Variants in ASTN1 observed in about 807,000 individuals in gnomAD.
ASTN1 encodes the protein astrotactin-1.
ASTN1 carries 41 observed loss-of-function variants against 140.7 expected under a neutral mutation model. That is an observed-to-expected ratio of 0.29 (90% CI 0.23 to 0.38). The LOEUF is 0.38. Ranked by LOEUF, ASTN1 falls within the 10% of genes least tolerant of loss-of-function variation. ASTN1 has a pLI of 1.00. For missense variants in ASTN1, 1,479 were observed against 1,678.8 expected (o/e 0.88, Z 2.08); for synonymous variants, 640 against 652.2 (o/e 0.98, Z 0.29).
chr1:176,949,446 T>A, intron 11 of ASTN1, 95 bp from the exon 12 acceptor site: 1 of 1,342,094 alleles, frequency 7.5e-7, no homozygotes, highest in Non-Finnish European at 1.0e-6. Flanking sequence ...TTTGTAGCAC[T>A]CAGCCTTGAA....
intron 1 of ASTN1, among the ~76,000 whole-genome samples, chr1:177,110,498 C>T (rs1314079442): frequency 2.0e-5 from 3 of 152,040 alleles, no homozygotes; most frequent in Admixed American, 6.6e-5. Flanking sequence ...TCTTTTCCAG[C>T]GATGCTCTAG....
chr1:177,099,351 G>A (rs16850722), intron 1 of ASTN1, among the ~76,000 whole-genome samples: 12,148 of 151,598 alleles, frequency 0.08, 550 homozygotes, highest in Middle Eastern at 0.18. Context: ...CTGTACAGGC[G>A]GTTAAAAAAT....
At chr1:177,053,773 C>T (rs914033193) in intron 2 of ASTN1, among the ~76,000 whole-genome samples, 1 of 152,204 alleles carries the variant, frequency 6.6e-6, no homozygotes, top group African/African-American at 2.4e-5. Flanking sequence ...AATTCCCCAA[C>T]TACCCTTTTC....
intron 2 of ASTN1, among the ~76,000 whole-genome samples, chr1:177,047,353 CAAAATATGACAGGGAGGTCCAG>C (rs375303392): frequency 2.3e-3 from 345 of 152,100 alleles, no homozygotes; most frequent in African/African-American, 7.9e-3. Context: ...GGGAGGTCCA[CAAAATATGACAGGGAGGTCCAG>C]AAAATATGAC....
At chr1:177,049,502 G>A (rs1677427895) in intron 2 of ASTN1, among the ~76,000 whole-genome samples, 1 of 152,138 alleles carries the variant, frequency 6.6e-6, no homozygotes, top group Non-Finnish European at 1.5e-5. Context: ...AAAGTTTTGA[G>A]AACACTTATC....
At chr1:177,156,180 G>A (rs1313219995) in intron 1 of ASTN1, among the ~76,000 whole-genome samples, 1 of 150,926 alleles carries the variant, frequency 6.6e-6, no homozygotes, top group Non-Finnish European at 1.5e-5. Context: ...TGAGGCAGGA[G>A]AATTGCTTAA....
At chr1:176,949,960 C>G (rs71628218) in intron 11 of ASTN1, among the ~76,000 whole-genome samples, 1 of 152,180 alleles carries the variant, frequency 6.6e-6, no homozygotes, top group African/African-American at 2.4e-5. Context: ...TGGAAGACAC[C>G]TAAGACACAA....
chr1:176,859,274 G>A (rs1292438463), downstream of ASTN1, among the ~76,000 whole-genome samples: 4 of 152,156 alleles, frequency 2.6e-5, no homozygotes, highest in Non-Finnish European at 4.4e-5. Context: ...CCCCTCAGAA[G>A]TATTAGGATA....
At chr1:177,111,852 G>A (rs767403906) in intron 1 of ASTN1, among the ~76,000 whole-genome samples, 1 of 152,146 alleles carries the variant, frequency 6.6e-6, no homozygotes, top group East Asian at 1.9e-4. Context: ...TTAAGAGTCG[G>A]TAGCAGCCCT....
At chr1:176,948,441 T>A (rs542217284) in intron 12 of ASTN1, among the ~76,000 whole-genome samples, 1 of 152,314 alleles carries the variant, frequency 6.6e-6, no homozygotes, top group African/African-American at 2.4e-5. Flanking sequence ...AAATTTAAAT[T>A]TCCAGAGAAC....
chr1:177,119,564 A>C (rs1279651946), intron 1 of ASTN1, among the ~76,000 whole-genome samples: 1 of 152,126 alleles, frequency 6.6e-6, no homozygotes, highest in Non-Finnish European at 1.5e-5. Flanking sequence ...CAGAAATGCA[A>C]AGTGTATTTT....
intron 1 of ASTN1, among the ~76,000 whole-genome samples, chr1:177,114,473 T>C (rs967975754): frequency 6.6e-6 from 1 of 152,116 alleles, no homozygotes; most frequent in East Asian, 1.9e-4. Flanking sequence ...AAGATAATTA[T>C]AGATTTATAT....
At chr1:177,107,396 C>T (rs1195945637) in intron 1 of ASTN1, among the ~76,000 whole-genome samples, 2 of 152,090 alleles carry the variant, frequency 1.3e-5, no homozygotes. Context: ...TGTGGTGGCA[C>T]CAAAGTGGAC....
chr1:177,049,417 A>G (rs1677422406), intron 2 of ASTN1, among the ~76,000 whole-genome samples: 1 of 152,222 alleles, frequency 6.6e-6, no homozygotes, highest in Non-Finnish European at 1.5e-5. Flanking sequence ...TGAAAAAGCA[A>G]GTCAATTTAA....
intron 21 of ASTN1, among the ~76,000 whole-genome samples, chr1:176,872,663 C>T (rs1218260207): frequency 6.6e-6 from 1 of 152,070 alleles, no homozygotes; most frequent in African/African-American, 2.4e-5. Flanking sequence ...TTTTGATGAC[C>T]AGGCCCTGTG....
At chr1:176,899,495 G>T (rs563746521) in intron 16 of ASTN1, among the ~76,000 whole-genome samples, 23 of 152,356 alleles carry the variant, frequency 1.5e-4, no homozygotes, top group African/African-American at 4.8e-4. Context: ...AAGGCAATGA[G>T]ATGCTAATGA....
intron 4 of ASTN1, among the ~76,000 whole-genome samples, chr1:177,030,528 G>A (rs975189707): frequency 6.6e-6 from 1 of 152,274 alleles, no homozygotes; most frequent in Admixed American, 6.5e-5. Flanking sequence ...TTTTTCACTT[G>A]TTTAAACAAT....
chr1:176,963,661 T>C, intron 9 of ASTN1, among the ~76,000 whole-genome samples: 1 of 152,198 alleles, frequency 6.6e-6, no homozygotes, highest in East Asian at 1.9e-4. Flanking sequence ...ATAGCAATTT[T>C]ATTAAGGCCC....
chr1:177,138,820 G>A (rs567674402), intron 1 of ASTN1, among the ~76,000 whole-genome samples: 14 of 152,326 alleles, frequency 9.2e-5, no homozygotes, highest in African/African-American at 3.1e-4. Context: ...GCCGAAAACT[G>A]TGCCAGCTTC....
Sources: gnomAD v4.1 joint callset for allele counts (sites outside exome capture counted in the v4.1 genomes callset) on GRCh38, gnomAD v4.1.1 for gene constraint, MANE v1.5 for transcripts, NCBI Gene and HGNC (gene_info 2026-07-23, HGNC 2026-07-21) for gene names.